Variants in COG7 observed in about 807,000 individuals in gnomAD.
COG7 encodes conserved oligomeric Golgi complex subunit 7.
In COG7, 49 loss-of-function variants were observed where a neutral mutation model predicts 91.5. That is an observed-to-expected ratio of 0.54 (90% CI 0.43 to 0.68). COG7 has a LOEUF of 0.68. COG7 is among the 30% of genes least tolerant of loss of function. The pLI, the probability that COG7 is intolerant of heterozygous loss-of-function variation, is 0.00. For missense variants in COG7, 895 were observed against 961.3 expected, an observed-to-expected ratio of 0.93 and a Z score of 0.91; for synonymous variants, 365 against 388.7, an observed-to-expected ratio of 0.94 and a Z score of 0.72.
chr16:23,447,579 G>C (rs1415451512), intron 1 of COG7, among the ~76,000 whole-genome samples: 1 of 151,628 alleles, frequency 6.6e-6, no homozygotes, highest in Non-Finnish European at 1.5e-5. Context: ...GACAGAGCAA[G>C]ACCCTGTTTC....
intron 6 of COG7, 108 bp downstream of exon 6, chr16:23,433,437 A>C: frequency 7.1e-7 from 1 of 1,402,448 alleles, no homozygotes; most frequent in Non-Finnish European, 1.0e-6. Flanking sequence ...CAAACGGGGA[A>C]GTTCTTTGAG....
chr16:23,440,782 A>G (rs190329407), intron 4 of COG7, among the ~76,000 whole-genome samples: 3 of 152,216 alleles, frequency 2.0e-5, no homozygotes, highest in East Asian at 3.9e-4. Flanking sequence ...ATTTTTTTAA[A>G]TAAGTAGAGA....
At position 23,389,034 on chromosome 16, in the gene COG7, G is replaced by C; in HGVS notation, c.2199C>G (p.Leu733=). 6.2e-7 allele frequency: 1 copy of C among 1,614,128 alleles called. No individual in the cohort carries two copies. The highest frequency in any genetic ancestry group is 1.3e-5 in the African/African-American group (1 of 75,034). Residue 733 remains leucine, a synonymous_variant, in exon 17 of 17, where the codon CTC becomes CTG. Transcript: ENST00000307149. ...DALGLQPSRT[L]QHIVTLLKTR... ...TCTTCAGTAGCGTCACGATGTGCTGGAGGGTGCGGGACGGCTGCAGGCCCA... is the reference window on the plus strand; with the variant it reads ...TCTTCAGTAGCGTCACGATGTGCTGCAGGGTGCGGGACGGCTGCAGGCCCA...
chr16:23,428,237 T>C (rs1274235177), intron 6 of COG7, among the ~76,000 whole-genome samples: 3 of 151,880 alleles, frequency 2.0e-5, no homozygotes, highest in Non-Finnish European at 4.4e-5. Context: ...TAATCCCAGC[T>C]ACTCAGGAGG....
intron 14 of COG7, among the ~76,000 whole-genome samples, chr16:23,397,527 C>T: frequency 6.6e-6 from 1 of 152,158 alleles, no homozygotes; most frequent in East Asian, 1.9e-4. Context: ...TGCCCCCATT[C>T]CCCTGCATGG....
In COG7 at chr16:23,453,146, CT is replaced by C. The variant is rs1311506083; in HGVS notation, c.-153del. The C allele has an allele frequency of 6.9e-7, 1 of 1,439,824 alleles. No homozygotes were observed. Among genetic ancestry groups the C allele is most frequent in the African/African-American group, 1.4e-5 (1 of 70,040 alleles). The allele number at this position is 1,439,824 out of a possible 1,614,324, so 89.2% of individuals were successfully genotyped here. A position where few individuals can be genotyped will look rare whatever the true frequency, so the allele number is the denominator to read the frequency against. On this transcript the variant is annotated 5_prime_UTR_variant, in exon 1 of 17. Transcript: ENST00000307149. ...AGGACGGGTAACTTGCCCCTTTGCG[CT>C]TCCCCGCTCAGCGCACTCAGTTTGC...
At chr16:23,436,014 A>AGTC (rs1964008143) in intron 4 of COG7, among the ~76,000 whole-genome samples, 1 of 152,108 alleles carries the variant, frequency 6.6e-6, no homozygotes, top group South Asian at 2.1e-4. Flanking sequence ...AGGTGGGAGG[A>AGTC]CTGTTTGAGC....
At chr16:23,407,896 G>A (rs1963489098) in intron 11 of COG7, among the ~76,000 whole-genome samples, 2 of 151,560 alleles carry the variant, frequency 1.3e-5, no homozygotes, top group Non-Finnish European at 2.9e-5. Flanking sequence ...CAATGGAATT[G>A]TAATCCTCCC....
Position 23,403,690 on chromosome 16 carries a change from T to A in COG7, c.1803+4A>T, listed in dbSNP as rs775820669. 6.2e-7 allele frequency: 1 copy of A among 1,613,934 alleles called. No individual in the cohort carries two copies. The highest frequency in any genetic ancestry group is 1.1e-5 in the South Asian group (1 of 91,072). ...AAAATTGATGTGGTCAGTGAGAAAC[T>A]CACGTCCATCTTCGAAATAAGCAAC... On this transcript the variant is annotated splice_donor_region_variant and intron_variant, in intron 13 of 16. Transcript: ENST00000307149.
chr16:23,397,067 C>A (rs1051966179), intron 14 of COG7, among the ~76,000 whole-genome samples: 1 of 152,064 alleles, frequency 6.6e-6, no homozygotes, highest in Admixed American at 6.6e-5. Flanking sequence ...CACCACCATG[C>A]CTGGATAATT....
At chr16:23,402,194 A>G (rs548887318) in intron 13 of COG7, among the ~76,000 whole-genome samples, 7 of 152,378 alleles carry the variant, frequency 4.6e-5, no homozygotes, top group African/African-American at 1.7e-4. Context: ...GCATTATAGT[A>G]TAATTCCATT....
intron 9 of COG7, chr16:23,414,264 A>G (rs250579): frequency 0.29 from 44,893 of 152,210 alleles, 7,663 homozygotes; most frequent in African/African-American, 0.47. Context: ...AGGCTGAGGA[A>G]GGAGGATCAC....
chr16:23,428,242 A>G (rs918308946), intron 6 of COG7, among the ~76,000 whole-genome samples: 2 of 151,758 alleles, frequency 1.3e-5, no homozygotes, highest in Non-Finnish European at 2.9e-5. Context: ...CCAGCTACTC[A>G]GGAGGCTGAG....
intron 16 of COG7, chr16:23,392,110 A>G (rs1321298757): frequency 7.4e-7 from 1 of 1,351,622 alleles, no homozygotes; most frequent in Non-Finnish European, 9.6e-7. Flanking sequence ...AGGCTGCAGG[A>G]CTCGCTGAAT....
At chr16:23,428,537 A>G (rs2142083918) in intron 6 of COG7, among the ~76,000 whole-genome samples, 1 of 152,226 alleles carries the variant, frequency 6.6e-6, no homozygotes, top group African/African-American at 2.4e-5. Flanking sequence ...AATAAAAACC[A>G]TGATGAGATA....
At chr16:23,402,300 A>G (rs1963390904) in intron 13 of COG7, among the ~76,000 whole-genome samples, 1 of 151,890 alleles carries the variant, frequency 6.6e-6, no homozygotes, top group Non-Finnish European at 1.5e-5. Flanking sequence ...CAAACTGCTG[A>G]CGCTGATTAT....
chr16:23,421,322 G>C (rs1963752918), intron 7 of COG7, among the ~76,000 whole-genome samples: 1 of 151,422 alleles, frequency 6.6e-6, no homozygotes, highest in African/African-American at 2.4e-5. Context: ...GGATCTTTCA[G>C]GAATATGCAC....
intron 7 of COG7, among the ~76,000 whole-genome samples, chr16:23,422,017 G>A (rs1169348448): frequency 6.6e-6 from 1 of 152,090 alleles, no homozygotes; most frequent in East Asian, 1.9e-4. Context: ...GATTAAAAAT[G>A]GTAGTAAATT....
At chr16:23,444,511 C>CTTT (rs11437438) in intron 3 of COG7, among the ~76,000 whole-genome samples, 5 of 132,656 alleles carry the variant, frequency 3.8e-5, no homozygotes, top group Admixed American at 1.6e-4. Flanking sequence ...TTTTCTTCTT[C>CTTT]TTTTTTTTTT....
Sources: allele counts gnomAD v4.1 joint callset (sites outside exome capture counted in the v4.1 genomes callset), GRCh38; gene constraint gnomAD v4.1.1; transcripts MANE v1.5; gene names NCBI Gene and HGNC (gene_info 2026-07-23, HGNC 2026-07-21).